The following CRACD variants were observed in gnomAD, a reference collection of about 807,000 sequenced individuals.
The protein encoded by CRACD is capping protein inhibiting regulator of actin dynamics.
CRACD carries 56 observed loss-of-function variants against 106.8 expected under a neutral mutation model. The observed-to-expected ratio is 0.52, with a 90% CI of 0.42 to 0.66. The LOEUF is 0.66. Among genes scored for constraint, CRACD ranks in the 30% least tolerant of loss-of-function variants. CRACD has a pLI of 0.00. For synonymous variants in CRACD, 754 were observed against 670.8 expected, an observed-to-expected ratio of 1.12 and a Z score of -1.92; for missense variants, 1,730 against 1,623.2, an observed-to-expected ratio of 1.07 and a Z score of -1.13.
intron 2 of CRACD, among the ~76,000 whole-genome samples, chr4:56,188,709 C>CAGAGAG (rs1227467173): frequency 7.7e-6 from 1 of 129,868 alleles, no homozygotes; most frequent in African/African-American, 3.3e-5. Context: ...CACACACACA[C>CAGAGAG]ACAGAGAGAG....
At chr4:56,265,206 A>G (rs1741937818) in intron 2 of CRACD, among the ~76,000 whole-genome samples, 1 of 152,220 alleles carries the variant, frequency 6.6e-6, no homozygotes, top group Non-Finnish European at 1.5e-5. Flanking sequence ...TTCTTCTCAG[A>G]AATATTCAGA....
intron 1 of CRACD, among the ~76,000 whole-genome samples, chr4:56,065,636 G>T (rs761883775): frequency 4.9e-4 from 75 of 152,070 alleles, no homozygotes; most frequent in Non-Finnish European, 9.1e-4. Flanking sequence ...TGGCCAGCTG[G>T]TTTTTTTGTT....
intron 1 of CRACD, among the ~76,000 whole-genome samples, chr4:56,113,041 G>T (rs1262880514): frequency 1.3e-5 from 2 of 152,028 alleles, no homozygotes; most frequent in South Asian, 4.1e-4. Context: ...TGTTCAAAAA[G>T]TCTGGTTGTA....
intron 1 of CRACD, among the ~76,000 whole-genome samples, chr4:56,095,570 G>A: frequency 6.6e-6 from 1 of 152,160 alleles, no homozygotes; most frequent in East Asian, 1.9e-4. Context: ...GTGTGGAAAT[G>A]CTCCAAGGTG....
At chr4:56,269,438 G>A (rs901814628) in intron 2 of CRACD, among the ~76,000 whole-genome samples, 1 of 152,020 alleles carries the variant, frequency 6.6e-6, no homozygotes, top group African/African-American at 2.4e-5. Flanking sequence ...TGTACAGGAA[G>A]CATGGCGCCA....
chr4:56,135,454 G>C (rs1488582693), intron 1 of CRACD, among the ~76,000 whole-genome samples: 1 of 152,188 alleles, frequency 6.6e-6, no homozygotes, highest in Non-Finnish European at 1.5e-5. Flanking sequence ...AAAGAACAAG[G>C]AAATGTCAGA....
intron 1 of CRACD, among the ~76,000 whole-genome samples, chr4:56,154,056 C>G (rs748580328): frequency 2.0e-5 from 3 of 152,198 alleles, no homozygotes; most frequent in Non-Finnish European, 4.4e-5. Flanking sequence ...AGAGTGCAAG[C>G]AGACTATTAG....
chr4:56,287,900 C>T (rs1456409736), intron 3 of CRACD, among the ~76,000 whole-genome samples: 1 of 152,204 alleles, frequency 6.6e-6, no homozygotes, highest in Non-Finnish European at 1.5e-5. Context: ...GTAGGTAGAA[C>T]AGGACCCTGT....
rs139681002 is a variant in CRACD, at chr4:56,252,653, T to C, written c.-188-19668T>C. ...ATCCATAGATAGGCTGAGTTTAGCA[T>C]GCAGGATATAAAGTTACAGGATTAT... On this transcript the variant is annotated intron_variant, in intron 2 of 10. Transcript: ENST00000682029. Among the ~76,000 whole-genome samples the C allele has an allele frequency of 1.0e-3, 159 of 152,306 alleles. 1 individual carries two copies. The highest frequency in any genetic ancestry group is 3.5e-3 in the African/African-American group (147 of 41,556).
At position 56,316,484 on chromosome 4, in the gene CRACD, G is replaced by A; in HGVS notation, c.2982G>A (p.Gly994=). 6.2e-7 allele frequency: 1 copy of A among 1,613,882 alleles called. No homozygotes were observed. The change falls in exon 8 of 11, where the codon GGG becomes GGA. Residue 994 remains glycine (G), a synonymous_variant. Transcript: ENST00000682029. ...YLVELLSRRA[G]RPDPEPSEPS... is the part of the protein sequence containing the mutation. Reference sequence around the variant, plus strand: ...TAGAGCTGCTGTCTCGCCGAGCGGGGAGGCCGGACCCAGAGCCAAGTGAGC... The same window carrying A: ...TAGAGCTGCTGTCTCGCCGAGCGGGAAGGCCGGACCCAGAGCCAAGTGAGC...
At chr4:56,079,338 C>A (rs1157449930) in intron 1 of CRACD, among the ~76,000 whole-genome samples, 2 of 151,756 alleles carry the variant, frequency 1.3e-5, no homozygotes, top group Non-Finnish European at 2.9e-5. Context: ...ATTTTAATTG[C>A]TTCATGTTTG....
At chr4:56,069,276 A>G (rs940395574) in intron 1 of CRACD, among the ~76,000 whole-genome samples, 3 of 152,230 alleles carry the variant, frequency 2.0e-5, no homozygotes, top group African/African-American at 7.2e-5. Context: ...GATACCTGTT[A>G]GACATTGGCG....
intron 3 of CRACD, among the ~76,000 whole-genome samples, chr4:56,286,051 A>C (rs1259816741): frequency 6.6e-6 from 1 of 152,154 alleles, no homozygotes. Flanking sequence ...GGATTTTGGC[A>C]TGGGAAAACA....
chr4:56,313,257 A>C lies in CRACD; in HGVS notation c.415A>C (p.Ser139Arg). 1 of 1,614,170 alleles carries C rather than the reference A, an allele frequency of 6.2e-7. No homozygotes were observed. The highest frequency in any genetic ancestry group is 8.5e-7 in the Non-Finnish European group (1 of 1,180,032). Residue 139 changes from serine to arginine, a missense_variant, in exon 7 of 11, where the codon AGT becomes CGT. Ser to Arg is a moderately radical substitution (Grantham distance 110). This residue lies in a region of CRACD where 1,620 missense variants were observed against 1,481.6 expected (regional missense o/e 1.09). Coordinates refer to ENST00000682029, the MANE Select transcript of CRACD (RefSeq NM_001393381.1). ...RHFSSAGTIESVNLDAIPLAI... is the reference protein window; with the variant it reads ...RHFSSAGTIERVNLDAIPLAI... ...CTTCTCTTCTGCTGGCACCATCGAA[A>C]GTGTCAACTTAGATGCCATCCCCCT... is the stretch of plus-strand genomic sequence containing the variant.
At chr4:56,117,664 A>C (rs1734339328) in intron 1 of CRACD, among the ~76,000 whole-genome samples, 1 of 152,220 alleles carries the variant, frequency 6.6e-6, no homozygotes, top group African/African-American at 2.4e-5. Flanking sequence ...ACCCTTGAAA[A>C]TGGTTAAGAT....
chr4:56,327,120 G>A (rs1746501987), intron 10 of CRACD, among the ~76,000 whole-genome samples: 1 of 152,178 alleles, frequency 6.6e-6, no homozygotes, highest in South Asian at 2.1e-4. Context: ...TTATCATGCA[G>A]GCATAGCTTC....
At chr4:56,240,596 C>A (rs1274467232) in intron 2 of CRACD, among the ~76,000 whole-genome samples, 2 of 152,158 alleles carry the variant, frequency 1.3e-5, no homozygotes, top group Non-Finnish European at 2.9e-5. Flanking sequence ...CCTCAAACTC[C>A]TGAGTTCAAG....
Position 56,328,137 on chromosome 4 carries a change from C to T in CRACD, c.*333C>T, listed in dbSNP as rs1032277724. 5.3e-6 allele frequency: 2 copies of T among 377,468 alleles called. No homozygotes were observed. The highest frequency in any genetic ancestry group is 6.6e-5 in the East Asian group (1 of 15,120). 23.4% of individuals were successfully genotyped at this position (377,468 alleles called of 1,614,324 possible). A position where few individuals can be genotyped will look rare whatever the true frequency, so the allele number is the denominator to read the frequency against. ...CACACACACCCACCCACACACCATTCAGAACATGTACTTTTGCCAACCTTT... is the reference window on the plus strand; with the variant it reads ...CACACACACCCACCCACACACCATTTAGAACATGTACTTTTGCCAACCTTT... On this transcript the variant is annotated 3_prime_UTR_variant, in exon 11 of 11. Coordinates refer to ENST00000682029, the MANE Select transcript of CRACD (RefSeq NM_001393381.1).
At position 56,167,877 on chromosome 4, in the gene CRACD, G is replaced by A. The variant is rs1318767986; in HGVS notation, c.-335-11407G>A. ...CATGGATGAACCTTGAGGAAATTATGCTAAATGAAATAAGTCAGTTAATTT... is the reference window on the plus strand; with the variant it reads ...CATGGATGAACCTTGAGGAAATTATACTAAATGAAATAAGTCAGTTAATTT... On this transcript the variant is annotated intron_variant, in intron 1 of 10. Coordinates refer to ENST00000682029, the MANE Select transcript of CRACD (RefSeq NM_001393381.1). Among the ~76,000 whole-genome samples, 10 of 152,294 alleles carry A rather than the reference G, an allele frequency of 6.6e-5. No homozygotes were observed. In the East Asian group the frequency reaches 1.9e-3, roughly 29 times the overall value.
Sources: gnomAD v4.1 joint callset for allele counts (sites outside exome capture counted in the v4.1 genomes callset) on GRCh38, gnomAD v4.1.1 for gene constraint, gnomAD v4.1.1 regional missense constraint, MANE v1.5 for transcripts, NCBI Gene and HGNC (gene_info 2026-07-23, HGNC 2026-07-21) for gene names.